Variants in FAM227A observed in about 807,000 individuals in gnomAD.
The protein encoded by FAM227A is protein FAM227A.
Under a neutral mutation model 74.7 loss-of-function variants are expected in FAM227A, and 80 were observed. The ratio of observed to expected loss-of-function variants is 1.07; its 90% confidence interval spans 0.89 to 1.29. The LOEUF is 1.29. FAM227A is among the 50% of genes most tolerant of loss of function. The pLI is 0.00. For missense variants in FAM227A, 654 were observed against 683.4 expected, an observed-to-expected ratio of 0.96 and a Z score of 0.48; for synonymous variants, 237 against 241.8, an observed-to-expected ratio of 0.98 and a Z score of 0.19.
chr22:38,585,738 T>G lies in FAM227A; in HGVS notation c.*387A>C, dbSNP rs909766458. 22 of 274,508 alleles carry G rather than the reference T, an allele frequency of 8.0e-5. No homozygotes were observed. The highest frequency in any genetic ancestry group is 1.5e-4 in the Non-Finnish European group (22 of 143,538). 17.0% of individuals were successfully genotyped at this position (274,508 alleles called of 1,614,324 possible). On this transcript the variant is annotated 3_prime_UTR_variant, in exon 17 of 17. Transcript: ENST00000535113. The stretch of plus-strand genomic sequence containing the variant: ...GTCTTATCTACTGTTAATTACCCAG[T>G]GTCTACAGCAGAGAACTTCGGAAAC...
Position 38,583,046 on chromosome 22 carries a change from TGCA to T in FAM227A, c.*3076_*3078del. The T allele has an allele frequency of 2.9e-6, 4 of 1,378,130 alleles. No homozygotes were observed. The South Asian group carries it at 5.3e-5, about 18-fold the overall frequency. 85.4% of individuals were successfully genotyped at this position (1,378,130 alleles called of 1,614,324 possible). On this transcript the variant is annotated 3_prime_UTR_variant, in exon 17 of 17. Transcript: ENST00000535113. Reference sequence around the variant, plus strand: ...AGGAAAGTGTGGTTCCTAGAGAAACTGCAAATGAAGAGTTGACAGTGGCTGGGG... The same window carrying T: ...AGGAAAGTGTGGTTCCTAGAGAAACTAATGAAGAGTTGACAGTGGCTGGGG...
In FAM227A at chr22:38,613,094, ATT is replaced by A. The variant is rs1491370733; in HGVS notation, c.1039-5620_1039-5619del. 7.2e-4 allele frequency among the ~76,000 whole-genome samples: 66 copies of A among 92,168 alleles called. 1 individual carries two copies. The highest frequency in any genetic ancestry group is 7.9e-4 in the South Asian group (3 of 3,814). 60.5% of individuals were successfully genotyped at this position (92,168 alleles called of 152,430 possible). A position where few individuals can be genotyped will look rare whatever the true frequency, so the allele number is the denominator to read the frequency against. On this transcript the variant is annotated intron_variant, in intron 11 of 16. Transcript: ENST00000535113. ...ATATTATATATAATTATATATATAT[ATT>A]ATATATAATTATATATATATTATAT...
chr22:38,598,646 A>G (rs1032333653), intron 14 of FAM227A, among the ~76,000 whole-genome samples: 49 of 152,320 alleles, frequency 3.2e-4, no homozygotes, highest in Admixed American at 7.8e-4. Context: ...GGGGAGCTCA[A>G]TGTAGACGTG....
rs372556148 is a variant in FAM227A, at chr22:38,606,414, C to T, written c.1126+975G>A. Among the ~76,000 whole-genome samples, 10 of 152,198 alleles carry T rather than the reference C, an allele frequency of 6.6e-5. No homozygotes were observed. In the East Asian group the frequency reaches 1.7e-3, roughly 26 times the overall value. On this transcript the variant is annotated intron_variant, in intron 12 of 16. Transcript: ENST00000535113. ...GAACTTCTGGGCTCAAGCAATCCTA[C>T]TGCCTCAGCCTCCCAAAGTGTTGGG... is the stretch of plus-strand genomic sequence containing the variant.
chr22:38,581,610 T>G lies in FAM227A; in HGVS notation c.*4515A>C, dbSNP rs754983291. On this transcript the variant is annotated 3_prime_UTR_variant, in exon 17 of 17. Coordinates refer to ENST00000535113, the MANE Select transcript of FAM227A (RefSeq NM_001013647.2). ...AGCTGCCACCACACCCGGCTAATTT[T>G]GCATTTTGAGTAGAGACAGGATTTC... 1 of 152,144 alleles carries G rather than the reference T, an allele frequency of 6.6e-6. No individual in the cohort carries two copies. The highest frequency in any genetic ancestry group is 1.5e-5 in the Non-Finnish European group (1 of 68,048). 9.4% of individuals were successfully genotyped at this position (152,144 alleles called of 1,614,324 possible).
intron 11 of FAM227A, among the ~76,000 whole-genome samples, chr22:38,611,232 T>C (rs2091407249): frequency 6.6e-6 from 1 of 152,136 alleles, no homozygotes; most frequent in Non-Finnish European, 1.5e-5. Context: ...CCAGCCCACC[T>C]GGCCACCCAG....
chr22:38,613,312 C>CATATAATACATATCAT (rs2091487634), intron 11 of FAM227A, among the ~76,000 whole-genome samples: 1 of 56,542 alleles, frequency 1.8e-5, no homozygotes, highest in Non-Finnish European at 2.9e-5. Flanking sequence ...TAATATATAA[C>CATATAATACATATCAT]ATATAATATA....
At chr22:38,594,117 C>T (rs549772918) in intron 15 of FAM227A, among the ~76,000 whole-genome samples, 45 of 152,340 alleles carry the variant, frequency 3.0e-4, no homozygotes, top group African/African-American at 9.6e-4. Context: ...TTCCCCTTCA[C>T]GTCCCAGGCT....
At chr22:38,608,793 C>CTTTTTTT (rs35393303) in intron 11 of FAM227A, among the ~76,000 whole-genome samples, 1 of 97,028 alleles carries the variant, frequency 1.0e-5, no homozygotes, top group Non-Finnish European at 1.9e-5. Context: ...ACCCTTGTTC[C>CTTTTTTT]TTTTTTTTTT....
intron 5 of FAM227A, 109 bp from the exon 6 acceptor site, chr22:38,636,706 T>C (rs576328309): frequency 1.2e-5 from 12 of 1,033,280 alleles, no homozygotes; most frequent in Non-Finnish European, 1.6e-5. Flanking sequence ...CCTTATAGAA[T>C]GTTGAGAAAA....
intron 11 of FAM227A, among the ~76,000 whole-genome samples, chr22:38,616,282 G>A (rs1010397969): frequency 1.3e-5 from 2 of 152,204 alleles, no homozygotes; most frequent in South Asian, 2.1e-4. Flanking sequence ...TGGGGTCCCC[G>A]CGCTGTTGGC....
At chr22:38,643,293 G>C (rs2092155339) in intron 3 of FAM227A, among the ~76,000 whole-genome samples, 1 of 150,484 alleles carries the variant, frequency 6.6e-6, no homozygotes, top group Non-Finnish European at 1.5e-5. Context: ...TCCTGCCCGG[G>C]TGACAGAGCA....
intron 9 of FAM227A, among the ~76,000 whole-genome samples, 154 bp from the exon 10 acceptor site, chr22:38,623,433 TAA>T (rs1347655375): frequency 1.3e-5 from 2 of 151,862 alleles, no homozygotes; most frequent in African/African-American, 2.4e-5. Context: ...AAAAAGAAAT[TAA>T]AAAAAGAGTG....
intron 11 of FAM227A, among the ~76,000 whole-genome samples, chr22:38,613,126 TTATA>T (rs1311839062): frequency 2.2e-5 from 2 of 92,856 alleles, no homozygotes; most frequent in African/African-American, 4.7e-5. Context: ...TTATATATAA[TTATA>T]TATATAATAT....
chr22:38,613,202 TTATA>T (rs1193387325), intron 11 of FAM227A, among the ~76,000 whole-genome samples: 1 of 75,858 alleles, frequency 1.3e-5, no homozygotes, highest in Non-Finnish European at 2.3e-5. Context: ...ATATATTATA[TTATA>T]TATATCTATG....
intron 6 of FAM227A, among the ~76,000 whole-genome samples, chr22:38,633,950 G>T (rs972503503): frequency 6.6e-6 from 1 of 152,062 alleles, no homozygotes; most frequent in Non-Finnish European, 1.5e-5. Context: ...CAGGTGTGGT[G>T]GCTCACACCT....
At chr22:38,613,061 AT>A (rs1569206337) in intron 11 of FAM227A, among the ~76,000 whole-genome samples, 3 of 108,166 alleles carry the variant, frequency 2.8e-5, no homozygotes, top group Non-Finnish European at 5.2e-5. Context: ...TATTATATAT[AT>A]GTAAATATAT....
chr22:38,656,365 T>A lies in FAM227A; in HGVS notation c.-340A>T, dbSNP rs989646024. On this transcript the variant is annotated 5_prime_UTR_variant, in exon 1 of 17. Transcript: ENST00000535113. ...TCCACTTTCCCGTTTAGCATAACAA[T>A]GGAACCTTCGTGAGCCGCCGCGTTG... 15 of 152,298 alleles carry A rather than the reference T, an allele frequency of 9.8e-5. No individual in the cohort carries two copies. The highest frequency in any genetic ancestry group is 3.6e-4 in the African/African-American group (15 of 41,462). The allele number at this position is 152,298 out of a possible 1,614,324, so 9.4% of individuals were successfully genotyped here. A position where few individuals can be genotyped will look rare whatever the true frequency, so the allele number is the denominator to read the frequency against.
intron 11 of FAM227A, among the ~76,000 whole-genome samples, chr22:38,609,595 C>T (rs537035701): frequency 8.5e-5 from 13 of 152,156 alleles, no homozygotes; most frequent in Non-Finnish European, 1.6e-4. Flanking sequence ...TCAACAACAA[C>T]CGTTTGCTTT....
Sources: gnomAD v4.1 joint callset for allele counts (sites outside exome capture counted in the v4.1 genomes callset) on GRCh38, gnomAD v4.1.1 for gene constraint, MANE v1.5 for transcripts, NCBI Gene and HGNC (gene_info 2026-07-23, HGNC 2026-07-21) for gene names.